Variants in UGGT1 observed in about 807,000 individuals in gnomAD.
UGGT1 encodes UDP-glucose:glycoprotein glucosyltransferase 1.
UGGT1 carries 107 observed loss-of-function variants against 203.9 expected under a neutral mutation model. The observed-to-expected ratio is 0.52, with a 90% CI of 0.45 to 0.62. The LOEUF (loss-of-function observed/expected upper bound fraction) is 0.62, where lower values mean the gene tolerates loss of function less well. Ranked by LOEUF, UGGT1 falls within the 20% of genes least tolerant of loss-of-function variation. UGGT1 has a pLI of 0.00. For missense variants in UGGT1, 1,673 were observed against 1,867.2 expected, an observed-to-expected ratio of 0.90 and a Z score of 1.92; for synonymous variants, 628 against 653.5, an observed-to-expected ratio of 0.96 and a Z score of 0.59.
intron 30 of UGGT1, 104 bp downstream of exon 30, chr2:128,174,043 A>C (rs983350963): frequency 2.2e-6 from 3 of 1,350,662 alleles, no homozygotes; most frequent in African/African-American, 1.5e-5. Context: ...GTGAGATTAA[A>C]ATTCATTATG....
At chr2:128,098,275 C>T (rs1027796392) in intron 2 of UGGT1, among the ~76,000 whole-genome samples, 22 of 152,122 alleles carry the variant, frequency 1.4e-4, no homozygotes, top group African/African-American at 2.7e-4. Flanking sequence ...CCCTTAAGAA[C>T]GTGGAAGAAG....
chr2:128,144,198 G>A (rs915022705), intron 17 of UGGT1, among the ~76,000 whole-genome samples: 2 of 152,120 alleles, frequency 1.3e-5, no homozygotes, highest in Non-Finnish European at 2.9e-5. Flanking sequence ...AGTTGTTTGT[G>A]AGTGGCTCAG....
chr2:128,176,757 A>G lies in UGGT1; in HGVS notation c.3540-57A>G, dbSNP rs1248871559. 4.0e-6 allele frequency: 6 copies of G among 1,512,720 alleles called. No individual in the cohort carries two copies. In the East Asian group the frequency reaches 1.4e-4, roughly 34 times the overall value. The allele number at this position is 1,512,720 out of a possible 1,614,324, so 93.7% of individuals were successfully genotyped here. A position where few individuals can be genotyped will look rare whatever the true frequency, so the allele number is the denominator to read the frequency against. ...TGATGGACTCAGATGCTCTGAGAGC[A>G]TTTGCTGCCTTTTGAGAATTGTGCC... On this transcript the variant is annotated intron_variant, in intron 31 of 40. Coordinates refer to ENST00000259253, the MANE Select transcript of UGGT1 (RefSeq NM_020120.4).
intron 18 of UGGT1, among the ~76,000 whole-genome samples, chr2:128,147,883 T>A (rs751719710): frequency 6.6e-6 from 1 of 152,198 alleles, no homozygotes; most frequent in Non-Finnish European, 1.5e-5. Context: ...CCTCCCACAG[T>A]GCTGGGATTA....
intron 1 of UGGT1, 115 bp from the exon 2 acceptor site, chr2:128,097,314 T>A: frequency 8.1e-7 from 1 of 1,227,744 alleles, no homozygotes; most frequent in Non-Finnish European, 1.1e-6. Context: ...AGGCAGAGGT[T>A]GCATGAGCCG....
At chr2:128,128,956 T>C in intron 12 of UGGT1, 73 bp from the exon 13 acceptor site, 2 of 1,448,180 alleles carry the variant, frequency 1.4e-6, no homozygotes, top group South Asian at 1.5e-5. Context: ...ACTGATACAT[T>C]TTTTTTCATG....
chr2:128,123,123 T>G (rs1052400021), intron 10 of UGGT1, 63 bp from the exon 11 acceptor site: 26 of 1,298,968 alleles, frequency 2.0e-5, no homozygotes, highest in Non-Finnish European at 2.2e-5. Flanking sequence ...TTTTAAAATA[T>G]GGAAATTGAA....
intron 11 of UGGT1, 61 bp from the exon 12 acceptor site, chr2:128,127,300 C>A: frequency 2.4e-6 from 3 of 1,226,444 alleles, no homozygotes; most frequent in Admixed American, 2.0e-5. Context: ...AGCCCAGAAA[C>A]AATAAAATTT....
chr2:128,100,776 A>T (rs926406008), intron 2 of UGGT1, among the ~76,000 whole-genome samples: 1 of 151,948 alleles, frequency 6.6e-6, no homozygotes, highest in Admixed American at 6.6e-5. Flanking sequence ...TTTTATTTAC[A>T]CTAATTTCTT....
chr2:128,101,237 A>ATGT (rs1558749273), intron 2 of UGGT1, among the ~76,000 whole-genome samples: 1 of 152,192 alleles, frequency 6.6e-6, no homozygotes, highest in African/African-American at 2.4e-5. Flanking sequence ...GGAGACCCTG[A>ATGT]TGTTGGATCA....
intron 38 of UGGT1, among the ~76,000 whole-genome samples, chr2:128,184,171 T>C (rs1215455437): frequency 6.6e-6 from 1 of 152,174 alleles, no homozygotes; most frequent in Non-Finnish European, 1.5e-5. Flanking sequence ...GGATTCGTAG[T>C]ATAGAATCAC....
intron 26 of UGGT1, among the ~76,000 whole-genome samples, chr2:128,166,749 G>GT (rs1553444344): frequency 6.6e-6 from 1 of 152,208 alleles, no homozygotes; most frequent in African/African-American, 2.4e-5. Flanking sequence ...GCGCAGTAAT[G>GT]TATATAGCCT....
chr2:128,095,500 C>A lies in UGGT1; in HGVS notation c.59-1929C>A, dbSNP rs78159350. 9.2e-3 allele frequency among the ~76,000 whole-genome samples: 1,381 copies of A among 150,564 alleles called. 21 individuals are homozygous for A. Among genetic ancestry groups the A allele is most frequent in the African/African-American group, 0.031 (1,262 of 40,814 alleles). ...CCTCCTCTTCCTCCTCCTCCTCCCC[C>A]ACTCTCCTCCTGTCCTGCTCTCCTC... On this transcript the variant is annotated intron_variant, in intron 1 of 40. Transcript: ENST00000259253.
At position 128,112,745 on chromosome 2, in the gene UGGT1, G is replaced by C. The variant is rs1362347713; in HGVS notation, c.522-339G>C. ...CTACAGGTGCATGCCACCATACCCA[G>C]CTAATTTTCGTTATTTATTGTAGAG... On this transcript the variant is annotated intron_variant, in intron 5 of 40. Transcript: ENST00000259253. Among the ~76,000 whole-genome samples, 6 of 151,264 alleles carry C rather than the reference G, an allele frequency of 4.0e-5. No homozygotes were observed. The East Asian group carries it at 5.9e-4, about 15-fold the overall frequency.
chr2:128,157,078 C>T (rs1420655997), intron 21 of UGGT1, among the ~76,000 whole-genome samples, 174 bp from the exon 22 acceptor site: 1 of 152,178 alleles, frequency 6.6e-6, no homozygotes, highest in Non-Finnish European at 1.5e-5. Context: ...GAAGATTCCC[C>T]TGCTTTCCTA....
intron 8 of UGGT1, 24 bp downstream of exon 8, chr2:128,116,367 G>T: frequency 6.8e-7 from 1 of 1,471,138 alleles, no homozygotes; most frequent in East Asian, 2.3e-5. Context: ...GTGTATTTTG[G>T]GAAACGCCCT....
intron 8 of UGGT1, among the ~76,000 whole-genome samples, chr2:128,117,960 T>TTG (rs1228751555): frequency 2.1e-4 from 6 of 29,248 alleles, no homozygotes; most frequent in South Asian, 7.0e-4. Context: ...TTAGGACATT[T>TTG]TGTGTGTGTG....
chr2:128,147,080 C>T (rs1034220041), intron 18 of UGGT1, among the ~76,000 whole-genome samples: 2 of 152,198 alleles, frequency 1.3e-5, no homozygotes, highest in Admixed American at 1.3e-4. Flanking sequence ...GAGTTTACAT[C>T]CCAGAAACTA....
Position 128,128,684 on chromosome 2 carries a change from G to C in UGGT1, c.1227-345G>C, listed in dbSNP as rs143975354. Among the ~76,000 whole-genome samples, 672 of 152,232 alleles carry C rather than the reference G, an allele frequency of 4.4e-3. 1 individual carries two copies. The highest frequency in any genetic ancestry group is 0.015 in the African/African-American group (638 of 41,558). On this transcript the variant is annotated intron_variant, in intron 12 of 40. Coordinates refer to ENST00000259253, the MANE Select transcript of UGGT1 (RefSeq NM_020120.4). ...TGTGGATTCTTTCAGGCTTTTTTCT[G>C]TGGTCATATGTTTGCCTCTGTGAAT...
Sources: gnomAD v4.1 joint callset for allele counts (sites outside exome capture counted in the v4.1 genomes callset) on GRCh38, gnomAD v4.1.1 for gene constraint, MANE v1.5 for transcripts, NCBI Gene and HGNC (gene_info 2026-07-23, HGNC 2026-07-21) for gene names.